The following RBMS2 variants were observed in gnomAD, a reference collection of about 807,000 sequenced individuals.
RBMS2 encodes the protein RNA-binding motif, single-stranded-interacting protein 2.
In RBMS2, 38 loss-of-function variants were observed where a neutral mutation model predicts 58.4. The ratio of observed to expected loss-of-function variants is 0.65; its 90% CI spans 0.50 to 0.85. The LOEUF (loss-of-function observed/expected upper bound fraction) is 0.85. Ranked by LOEUF, RBMS2 falls within the 40% of genes least tolerant of loss-of-function variation. The pLI is 0.00. For synonymous variants in RBMS2, 151 were observed against 180.7 expected, an observed-to-expected ratio of 0.84 and a Z score of 1.32; for missense variants, 367 against 503.7, an observed-to-expected ratio of 0.73 and a Z score of 2.60.
At position 56,562,649 on chromosome 12, in the gene RBMS2, C is replaced by T. The variant is rs549084721; in HGVS notation, c.233+66C>T. The T allele has an allele frequency of 7.8e-5, 117 of 1,506,964 alleles. 1 individual carries two copies. In the South Asian group the frequency reaches 1.2e-3, roughly 16 times the overall value. 93.3% of individuals were successfully genotyped at this position (1,506,964 alleles called of 1,614,324 possible). ...TAGATTTGGTTTTGAGACAGGGTCT[C>T]GTTATGTTGTCCAGGCTAGTCTTGA... On this transcript the variant is annotated intron_variant, in intron 2 of 13. Transcript: ENST00000262031.
intron 2 of RBMS2, among the ~76,000 whole-genome samples, chr12:56,568,535 TTTTC>T (rs1881748984): frequency 6.7e-6 from 1 of 150,168 alleles, no homozygotes; most frequent in African/African-American, 2.4e-5. Context: ...CATTTCTTTT[TTTTC>T]TTTTTTTTTT....
At chr12:56,537,999 A>G (rs569113534) in intron 1 of RBMS2, among the ~76,000 whole-genome samples, 7 of 150,968 alleles carry the variant, frequency 4.6e-5, no homozygotes, top group African/African-American at 1.5e-4. Context: ...AGATAAGTCT[A>G]TTCAAGTCCT....
Position 56,568,888 on chromosome 12 carries a change from G to A in RBMS2, c.234-87G>A, listed in dbSNP as rs574753281. Reference sequence around the variant, plus strand: ...TAGGAAAAGTTAGATCATGGAAAGGGCATGGATTTGTTGAGATGTCTGAAT... The same window carrying A: ...TAGGAAAAGTTAGATCATGGAAAGGACATGGATTTGTTGAGATGTCTGAAT... On this transcript the variant is annotated intron_variant, in intron 2 of 13. Transcript: ENST00000262031. The A allele has an allele frequency of 3.3e-5, 38 of 1,135,102 alleles. No individual in the cohort carries two copies. The South Asian group carries it at 4.4e-4, about 13-fold the overall frequency. The allele number at this position is 1,135,102 out of a possible 1,614,324, so 70.3% of individuals were successfully genotyped here.
chr12:56,564,673 T>C (rs1223425730), intron 2 of RBMS2, among the ~76,000 whole-genome samples: 1 of 152,166 alleles, frequency 6.6e-6, no homozygotes, highest in Non-Finnish European at 1.5e-5. Context: ...TTCAAGTCCC[T>C]TAGATAAAAT....
chr12:56,559,212 C>T (rs1879887289), intron 1 of RBMS2, among the ~76,000 whole-genome samples: 2 of 151,578 alleles, frequency 1.3e-5, no homozygotes, highest in Non-Finnish European at 2.9e-5. Context: ...CAGAGTCTCG[C>T]TCTGTTGCCC....
intron 1 of RBMS2, among the ~76,000 whole-genome samples, chr12:56,558,729 G>A (rs1879798501): frequency 6.6e-6 from 1 of 151,200 alleles, no homozygotes; most frequent in Admixed American, 6.6e-5. Flanking sequence ...GTGAGTATCT[G>A]GGACTACAGG....
chr12:56,548,082 G>A (rs142714108), intron 1 of RBMS2, among the ~76,000 whole-genome samples: 148 of 152,136 alleles, frequency 9.7e-4, no homozygotes, highest in African/African-American at 3.3e-3. Context: ...TATGAAATAC[G>A]TCACTCATAC....
chr12:56,544,225 G>C (rs930943598), intron 1 of RBMS2, among the ~76,000 whole-genome samples: 1 of 151,976 alleles, frequency 6.6e-6, no homozygotes, highest in African/African-American at 2.4e-5. Context: ...GCAATGAGCC[G>C]AGATCATACC....
intron 11 of RBMS2, 92 bp from the exon 12 acceptor site, chr12:56,588,202 T>A (rs1450008721): frequency 1.0e-6 from 1 of 988,344 alleles, no homozygotes; most frequent in Admixed American, 1.8e-5. Context: ...TGGGGTAGAA[T>A]ACAGGTGTCA....
At chr12:56,557,726 T>A (rs1879475104) in intron 1 of RBMS2, among the ~76,000 whole-genome samples, 1 of 151,358 alleles carries the variant, frequency 6.6e-6, no homozygotes, top group Non-Finnish European at 1.5e-5. Flanking sequence ...AATAGCCTCT[T>A]TTTTCTTTTC....
At chr12:56,542,552 C>CTTT (rs1239883545) in intron 1 of RBMS2, among the ~76,000 whole-genome samples, 3 of 101,036 alleles carry the variant, frequency 3.0e-5, no homozygotes, top group African/African-American at 1.1e-4. Flanking sequence ...TCTTGTTTTT[C>CTTT]TTTTTTTTTT....
intron 1 of RBMS2, among the ~76,000 whole-genome samples, chr12:56,557,703 A>C (rs1349877348): frequency 2.0e-5 from 3 of 151,740 alleles, no homozygotes; most frequent in Admixed American, 2.0e-4. Context: ...GATGGTAAGC[A>C]TGGCAGCAAA....
At chr12:56,566,980 A>T (rs1046761280) in intron 2 of RBMS2, among the ~76,000 whole-genome samples, 23 of 152,232 alleles carry the variant, frequency 1.5e-4, no homozygotes, top group Non-Finnish European at 4.4e-5. Flanking sequence ...TTGGAATAAG[A>T]TTGCTACATT....
intron 12 of RBMS2, 53 bp from the exon 13 acceptor site, chr12:56,588,879 G>A: frequency 6.4e-7 from 1 of 1,570,604 alleles, no homozygotes; most frequent in Non-Finnish European, 8.8e-7. Context: ...CTGCTGTAGT[G>A]GAGGTGAGGA....
At chr12:56,558,633 G>A (rs1293376699) in intron 1 of RBMS2, among the ~76,000 whole-genome samples, 1 of 114,864 alleles carries the variant, frequency 8.7e-6, no homozygotes, top group African/African-American at 3.3e-5. Context: ...TTGTCACCCA[G>A]GCTGGAGTGC....
intron 9 of RBMS2, among the ~76,000 whole-genome samples, chr12:56,585,878 A>G (rs1592510289): frequency 1.3e-5 from 2 of 152,306 alleles, no homozygotes; most frequent in African/African-American, 4.8e-5. Context: ...TTGTTATTCT[A>G]TCCTTTTAAT....
At chr12:56,581,120 T>C in intron 5 of RBMS2, 64 bp from the exon 6 acceptor site, 1 of 1,356,968 alleles carries the variant, frequency 7.4e-7, no homozygotes, top group South Asian at 1.2e-5. Context: ...TTGCTTTCTC[T>C]TTCAATGTGT....
At chr12:56,544,517 G>A (rs1024552327) in intron 1 of RBMS2, among the ~76,000 whole-genome samples, 6 of 152,126 alleles carry the variant, frequency 3.9e-5, no homozygotes, top group South Asian at 2.1e-4. Flanking sequence ...GCCAGTTCAT[G>A]GTAACGTCTG....
chr12:56,588,811 A>C (rs1885037733), intron 12 of RBMS2, 121 bp from the exon 13 acceptor site: 1 of 840,766 alleles, frequency 1.2e-6, no homozygotes, highest in African/African-American at 1.7e-5. Context: ...CTCACACATG[A>C]GTGTGGAGAG....
Sources: gnomAD v4.1 joint callset for allele counts (sites outside exome capture counted in the v4.1 genomes callset) on GRCh38, gnomAD v4.1.1 for gene constraint, MANE v1.5 for transcripts, NCBI Gene and HGNC (gene_info 2026-07-23, HGNC 2026-07-21) for gene names.